Variants in LRRC9 observed in about 807,000 individuals in gnomAD.
LRRC9 encodes the protein leucine rich repeat containing 9, also known as leucine-rich repeat-containing protein 9.
Under a neutral mutation model 63.2 loss-of-function variants are expected in LRRC9, and 122 were observed. That is an observed-to-expected ratio of 1.93 (90% CI 1.67 to 2.24). The LOEUF (loss-of-function observed/expected upper bound fraction) is 2.24. Among genes scored for constraint, LRRC9 ranks in the 30% most tolerant of loss-of-function variants. LRRC9 has a pLI of 0.00. For missense variants in LRRC9, 1,071 were observed against 627.7 expected (o/e 1.71, Z -7.55); for synonymous variants, 366 against 213.1 (o/e 1.72, Z -6.25).
rs562045371 is a variant in LRRC9, at chr14:59,923,213, G to A, written c.-34+3330G>A. ...AGTACCAGGAAGGCCTAGCATCCTT[G>A]TGATTCAGAAATAGTTATACAACTT... is the stretch of plus-strand genomic sequence containing the variant. On this transcript the variant is annotated intron_variant, in intron 1 of 31. Transcript: ENST00000445360. The surrounding 1 kb of genome is among the most constrained non-coding windows in gnomAD (Gnocchi z 4.2). Among the ~76,000 whole-genome samples, 1 of 152,282 alleles carries A rather than the reference G, an allele frequency of 6.6e-6. No individual in the cohort carries two copies. Among genetic ancestry groups the A allele is most frequent in the African/African-American group, 2.4e-5 (1 of 41,566 alleles).
intron 29 of LRRC9, among the ~76,000 whole-genome samples, chr14:60,040,409 A>G (rs1160078347): frequency 1.3e-5 from 2 of 151,922 alleles, no homozygotes; most frequent in East Asian, 3.9e-4. Flanking sequence ...CTCTTTGTAC[A>G]TCTCTAAGGA....
chr14:59,957,433 T>C (rs1383238941), intron 8 of LRRC9, among the ~76,000 whole-genome samples: 1 of 152,054 alleles, frequency 6.6e-6, no homozygotes, highest in African/African-American at 2.4e-5. Context: ...TATGGATACT[T>C]GTGTATGCTT....
At chr14:59,949,265 C>T (rs1265374056) in intron 8 of LRRC9, among the ~76,000 whole-genome samples, 2 of 152,196 alleles carry the variant, frequency 1.3e-5, no homozygotes, top group African/African-American at 4.8e-5. Flanking sequence ...GGAATTTATC[C>T]ATTTATTCTA....
intron 10 of LRRC9, among the ~76,000 whole-genome samples, chr14:59,961,481 T>C (rs919958853): frequency 6.6e-6 from 1 of 152,186 alleles, no homozygotes; most frequent in African/African-American, 2.4e-5. Flanking sequence ...CAACAGCAGG[T>C]TGCCAACATG....
At chr14:60,014,258 A>G (rs181825562) in intron 23 of LRRC9, among the ~76,000 whole-genome samples, 34 of 152,220 alleles carry the variant, frequency 2.2e-4, no homozygotes, top group Admixed American at 3.9e-4. Context: ...TTGAGAACCA[A>G]TGAGACAATA....
In LRRC9 at chr14:59,962,178, C is replaced by T. The variant is rs919781226; in HGVS notation, c.1211+1133C>T. Among the ~76,000 whole-genome samples the T allele has an allele frequency of 1.3e-5, 2 of 152,098 alleles. No homozygotes were observed. The highest frequency in any genetic ancestry group is 2.4e-5 in the African/African-American group (1 of 41,408). On this transcript the variant is annotated intron_variant, in intron 10 of 31. Coordinates refer to ENST00000445360, the Ensembl canonical transcript of LRRC9. This position sits in a 1 kb window ranked among gnomAD's most constrained non-coding sequence, Gnocchi z 5.1. ...TGATGGAAAAGTGTAAGAAGCTCTTCGCAAGGGAAAAAGAGGCCTTTGAAA... is the reference window on the plus strand; with the variant it reads ...TGATGGAAAAGTGTAAGAAGCTCTTTGCAAGGGAAAAAGAGGCCTTTGAAA...
intron 29 of LRRC9, among the ~76,000 whole-genome samples, chr14:60,038,356 C>A (rs1030949172): frequency 3.3e-5 from 5 of 152,118 alleles, no homozygotes; most frequent in African/African-American, 1.2e-4. Context: ...TTACATTGGG[C>A]AGTATGGCCA....
At chr14:59,929,751 A>G (rs772796172) in intron 3 of LRRC9, among the ~76,000 whole-genome samples, 9 of 152,160 alleles carry the variant, frequency 5.9e-5, no homozygotes, top group Non-Finnish European at 7.4e-5. Flanking sequence ...GCCATAAAAA[A>G]GAACAAGATA....
intron 13 of LRRC9, among the ~76,000 whole-genome samples, chr14:59,975,460 T>C (rs1886169453): frequency 6.6e-6 from 1 of 151,922 alleles, no homozygotes. Flanking sequence ...TATGTAGAAA[T>C]ATAAGTACAC....
At chr14:59,992,006 A>T (rs944397997) in intron 17 of LRRC9, among the ~76,000 whole-genome samples, 9 of 152,158 alleles carry the variant, frequency 5.9e-5, no homozygotes, top group Non-Finnish European at 1.3e-4. Flanking sequence ...GAACAGACAG[A>T]CTGCCTCCTC....
At position 60,006,632 on chromosome 14, in the gene LRRC9, A is replaced by G. The variant is rs981837662; in HGVS notation, c.3063+15A>G. 1.0e-5 allele frequency: 6 copies of G among 588,794 alleles called. No homozygotes were observed. The highest frequency in any genetic ancestry group is 6.3e-5 in the Admixed American group (2 of 31,682). 36.5% of individuals were successfully genotyped at this position (588,794 alleles called of 1,614,324 possible). ...ACAATTTAAAGGTAATCATCTGGGT[A>G]GTAATTTTTTTGTTTTTTAACATGT... On this transcript the variant is annotated intron_variant, in intron 22 of 31. Transcript: ENST00000445360.
chr14:60,004,996 G>A lies in LRRC9; in HGVS notation c.2842+1198G>A, dbSNP rs1460909768. On this transcript the variant is annotated intron_variant, in intron 21 of 31. Transcript: ENST00000445360. This position sits in a 1 kb window ranked among gnomAD's most constrained non-coding sequence, Gnocchi z 4.8. ...AAGGTAAGAATTAGAAATCACGGCT[G>A]GGAAACAGAATTTACATTTTATTCA... Among the ~76,000 whole-genome samples the A allele has an allele frequency of 6.6e-6, 1 of 151,994 alleles. No homozygotes were observed.
intron 20 of LRRC9, among the ~76,000 whole-genome samples, chr14:60,002,413 C>T (rs1273121469): frequency 1.3e-5 from 2 of 152,130 alleles, no homozygotes; most frequent in Non-Finnish European, 2.9e-5. Flanking sequence ...CCAACATCTG[C>T]CCACTTCCCA....
chr14:59,997,734 C>T (rs1201847128), exon 18 of LRRC9: 6 of 702,448 alleles, frequency 8.5e-6, no homozygotes, highest in Non-Finnish European at 1.6e-5. Context: ...GAAACTGAAG[C>T]ACTTAGACTT....
chr14:60,065,336 A>C (rs1231367543), downstream of LRRC9, among the ~76,000 whole-genome samples: 2 of 151,440 alleles, frequency 1.3e-5, no homozygotes, highest in Non-Finnish European at 2.9e-5. Context: ...TTTTCATCTA[A>C]ATTTCTGAGT....
intron 23 of LRRC9, among the ~76,000 whole-genome samples, chr14:60,010,253 G>A (rs183619363): frequency 6.6e-5 from 10 of 152,310 alleles, no homozygotes; most frequent in Admixed American, 4.6e-4. Flanking sequence ...TGAAATCTAG[G>A]TGGAGGTTCC....
intron 31 of LRRC9, among the ~76,000 whole-genome samples, chr14:60,062,381 T>C (rs748672210): frequency 1.3e-5 from 2 of 152,168 alleles, no homozygotes; most frequent in East Asian, 1.9e-4. Flanking sequence ...TGTATTTACA[T>C]AGTAATTCAA....
At chr14:59,946,125 A>T (rs1387726211) in intron 8 of LRRC9, among the ~76,000 whole-genome samples, 1 of 151,454 alleles carries the variant, frequency 6.6e-6, no homozygotes, top group Non-Finnish European at 1.5e-5. Context: ...TAATTAAAAA[A>T]TTGGAAACTA....
At chr14:60,062,933 C>T (rs1195722904) in intron 31 of LRRC9, among the ~76,000 whole-genome samples, 1 of 151,820 alleles carries the variant, frequency 6.6e-6, no homozygotes, top group East Asian at 1.9e-4. Context: ...CTCTTGTTGC[C>T]CAGGTTAGAG....
Sources: allele counts gnomAD v4.1 joint callset (sites outside exome capture counted in the v4.1 genomes callset), GRCh38; gene constraint gnomAD v4.1.1; non-coding constraint Gnocchi (gnomAD v3.1); transcripts MANE v1.5; gene names NCBI Gene and HGNC (gene_info 2026-07-23, HGNC 2026-07-21).